OTOF: variants seen among roughly 807,000 people sequenced by gnomAD.
OTOF encodes the protein otoferlin.
Under a neutral mutation model 236.8 loss-of-function variants are expected in OTOF, and 218 were observed. The ratio of observed to expected loss-of-function variants is 0.92; its 90% CI spans 0.82 to 1.03. The LOEUF is 1.03. Ranked by LOEUF, OTOF falls within the 50% of genes least tolerant of loss-of-function variation. The pLI is 0.00. For synonymous variants in OTOF, 1,041 were observed against 1,072.5 expected, an observed-to-expected ratio of 0.97 and a Z score of 0.57; for missense variants, 2,590 against 2,694.4, an observed-to-expected ratio of 0.96 and a Z score of 0.86.
intron 1 of OTOF, among the ~76,000 whole-genome samples, chr2:26,547,878 G>A (rs754054134): frequency 2.6e-5 from 4 of 152,174 alleles, no homozygotes; most frequent in Non-Finnish European, 5.9e-5. Context: ...CAATACAGCA[G>A]TGAAATCATC....
intron 1 of OTOF, among the ~76,000 whole-genome samples, chr2:26,551,368 A>G (rs903749070): frequency 1.3e-5 from 2 of 152,328 alleles, no homozygotes; most frequent in African/African-American, 2.4e-5. Flanking sequence ...CTCCTGCTCA[A>G]TAAAAACTCC....
At chr2:26,543,358 A>G (rs1336317916) in intron 1 of OTOF, among the ~76,000 whole-genome samples, 2 of 152,146 alleles carry the variant, frequency 1.3e-5, no homozygotes, top group African/African-American at 2.4e-5. Context: ...CAGACTCACC[A>G]TCTGTTAGCC....
chr2:26,495,065 G>A lies in OTOF; in HGVS notation c.774C>T (p.Ile258=). ...CCAGCTGCCGGGCCTCGATCACCGT[G>A]ATGCTGACCTGCAGGCAGGAGAAGG... The part of the protein sequence containing the change: ...AGRPMDYQVS[I]TVIEARQLVG... Residue 258 remains isoleucine (I), a synonymous_variant, in exon 9 of 47, where the codon ATC becomes ATT. Coordinates refer to ENST00000272371, the MANE Select transcript of OTOF (RefSeq NM_194248.3). 2.5e-6 allele frequency: 4 copies of A among 1,614,174 alleles called. No individual in the cohort carries two copies. Among genetic ancestry groups the A allele is most frequent in the Non-Finnish European group, 3.4e-6 (4 of 1,180,026 alleles).
intron 5 of OTOF, among the ~76,000 whole-genome samples, chr2:26,511,297 T>G (rs1666383581): frequency 6.6e-6 from 1 of 152,098 alleles, no homozygotes; most frequent in East Asian, 1.9e-4. Flanking sequence ...ACACGGGTGG[T>G]TGGGGGCAGT....
rs201532334 is a variant in OTOF, at chr2:26,472,628, C to T, written c.3755G>A (p.Arg1252His). 63 of 1,613,018 alleles carry T rather than the reference C, an allele frequency of 3.9e-5. No individual in the cohort carries two copies. Among genetic ancestry groups the T allele is most frequent in the Non-Finnish European group, 4.9e-5 (58 of 1,179,916 alleles). The change falls in exon 30 of 47, where the codon CGT (arginine) becomes CAT (histidine). Residue 1252 changes from arginine (R) to histidine (H), a missense_variant. Arg to His is a conservative substitution (Grantham distance 29). Coordinates refer to ENST00000272371, the MANE Select transcript of OTOF (RefSeq NM_194248.3). Reference sequence around the variant, plus strand: ...GGAGGAGCCCCCATTGCACAGCACACGGCAGCGCCGGAGAAGCCTGACTGG... The same window carrying T: ...GGAGGAGCCCCCATTGCACAGCACATGGCAGCGCCGGAGAAGCCTGACTGG... ...NTTVRLLRRC[R>H]VLCNGGSSSH...
Position 26,473,857 on chromosome 2 carries a change from C to A in OTOF, c.3408+134G>T. 8.0e-7 allele frequency: 1 copy of A among 1,253,208 alleles called. No individual in the cohort carries two copies. The highest frequency in any genetic ancestry group is 1.8e-5 in the Admixed American group (1 of 56,316). 77.6% of individuals were successfully genotyped at this position (1,253,208 alleles called of 1,614,324 possible). ...GACTTGGTGCAGATGGGGGCAGGCC[C>A]TGGGCTGGGGCAGGAGCCTGGGTCT... On this transcript the variant is annotated intron_variant, in intron 27 of 46. Coordinates refer to ENST00000272371, the MANE Select transcript of OTOF (RefSeq NM_194248.3). This position sits in a 1 kb window ranked among gnomAD's most constrained non-coding sequence, Gnocchi z 7.2.
At chr2:26,468,910 G>A (rs1406386511) in intron 32 of OTOF, among the ~76,000 whole-genome samples, 1 of 152,108 alleles carries the variant, frequency 6.6e-6, no homozygotes, top group African/African-American at 2.4e-5. Context: ...GGTGGTGCTG[G>A]GGGAGAGGGG....
At position 26,470,166 on chromosome 2, in the gene OTOF, G is replaced by A. The variant is rs942124143; in HGVS notation, c.4023+427C>T. 6.6e-6 allele frequency among the ~76,000 whole-genome samples: 1 copy of A among 152,120 alleles called. No homozygotes were observed. The highest frequency in any genetic ancestry group is 6.5e-5 in the Admixed American group (1 of 15,274). ...AACATGTTTCTCCTTTTCCACAAAG[G>A]TCACCTCCTCTGAGACGCCTTCCCT... On this transcript the variant is annotated intron_variant, in intron 32 of 46. Coordinates refer to ENST00000272371, the MANE Select transcript of OTOF (RefSeq NM_194248.3). This position sits in a 1 kb window ranked among gnomAD's most constrained non-coding sequence, Gnocchi z 4.3.
At chr2:26,520,555 G>A (rs140801057) in intron 3 of OTOF, among the ~76,000 whole-genome samples, 58 of 152,242 alleles carry the variant, frequency 3.8e-4, no homozygotes, top group African/African-American at 1.1e-3. Flanking sequence ...AACTGACCAC[G>A]CCACTCCTTC....
intron 18 of OTOF, 112 bp downstream of exon 18, chr2:26,479,152 C>A: frequency 5.7e-6 from 8 of 1,391,308 alleles, no homozygotes; most frequent in Non-Finnish European, 7.9e-6. Flanking sequence ...CCTGCTGGGG[C>A]CGTTCCTGCA....
chr2:26,480,462 C>T (rs1328738895), intron 15 of OTOF, 151 bp from the exon 16 acceptor site: 5 of 699,674 alleles, frequency 7.1e-6, no homozygotes, highest in South Asian at 3.0e-5. Context: ...ACCCCAACGG[C>T]CCCCCAGCCT....
intron 11 of OTOF, among the ~76,000 whole-genome samples, chr2:26,488,942 T>C (rs930637980): frequency 1.3e-5 from 2 of 152,224 alleles, no homozygotes; most frequent in Non-Finnish European, 2.9e-5. Flanking sequence ...CCAGAGCGTG[T>C]GATGAAGCTC....
At chr2:26,505,918 A>C (rs1447150267) in intron 5 of OTOF, among the ~76,000 whole-genome samples, 1 of 152,238 alleles carries the variant, frequency 6.6e-6, no homozygotes, top group African/African-American at 2.4e-5. Flanking sequence ...ATTCAAAAAG[A>C]ACCTGAGCAC....
rs397515609 is a variant in OTOF at position 26,460,659 on chromosome 2, A to AG, written c.5800dup (p.Leu1934ProfsTer251). Reference sequence around the variant, plus strand: ...GCAGGGCACTCACTTGGGTTTCTCTAGGGGGTCAGGTTCATTGCGGGCCAG... The same window carrying AG: ...GCAGGGCACTCACTTGGGTTTCTCTAGGGGGGTCAGGTTCATTGCGGGCCAG... On this transcript the variant is annotated frameshift_variant, in exon 45 of 47. Transcript: ENST00000272371. LOFTEE classifies it high-confidence loss of function. This position sits in a 1 kb window ranked among gnomAD's most constrained non-coding sequence, Gnocchi z 5.3. 3 of 1,613,582 alleles carry AG rather than the reference A, an allele frequency of 1.9e-6. No individual in the cohort carries two copies. The highest frequency in any genetic ancestry group is 3.3e-5 in the Admixed American group (2 of 59,992).
chr2:26,473,567 C>T lies in OTOF; in HGVS notation c.3409G>A (p.Val1137Met). 1.2e-6 allele frequency: 2 copies of T among 1,602,628 alleles called. No homozygotes were observed. The highest frequency in any genetic ancestry group is 1.7e-6 in the Non-Finnish European group (2 of 1,176,518). The stretch of plus-strand genomic sequence containing the variant: ...AGGTCCCGTAGGCCCCAGAACAGCA[C>T]CTGGGAGAGGTTGGAGGGTGGGTGC... ...RPVLSKYRVE[V>M]LFWGLRDLKR... is the part of the protein sequence containing the mutation. Residue 1137 changes from valine to methionine, a missense_variant and splice_region_variant, in exon 28 of 47, where the codon GTG becomes ATG. Val to Met is a conservative substitution (Grantham distance 21). Coordinates refer to ENST00000272371, the MANE Select transcript of OTOF (RefSeq NM_194248.3). The surrounding 1 kb of genome is among the most constrained non-coding windows in gnomAD (Gnocchi z 7.2).
rs771336492 is a variant in OTOF, at chr2:26,460,691, T to G, written c.5769A>C (p.Pro1923=). ...CAGGTTCATTGCGGGCCAGGCCCAC[T>G]GGGTTCTTCTCTGCCTCCTCTGCTG... ...LLTAEEAEKN[P]VGLARNEPDP... Residue 1923 remains proline (P), a synonymous_variant, in exon 45 of 47, where the codon CCA becomes CCC. Coordinates refer to ENST00000272371, the MANE Select transcript of OTOF (RefSeq NM_194248.3). This position sits in a 1 kb window ranked among gnomAD's most constrained non-coding sequence, Gnocchi z 5.3. The G allele has an allele frequency of 1.2e-6, 2 of 1,613,852 alleles. No homozygotes were observed. The highest frequency in any genetic ancestry group is 2.2e-5 in the South Asian group (2 of 91,064).
rs774666407 is a variant in OTOF at position 26,460,091 on chromosome 2, G to C, written c.5928C>G (p.Leu1976=). Residue 1976 remains leucine, a synonymous_variant, in exon 46 of 47, where the codon CTC becomes CTG. Transcript: ENST00000272371. This position sits in a 1 kb window ranked among gnomAD's most constrained non-coding sequence, Gnocchi z 5.3. ...AGTAGAGGAACAGGGCGAGGAGGAG[G>C]AGCAGCAGCAGGAGCAGCAACAGTT... is the stretch of plus-strand genomic sequence containing the variant. The part of the protein sequence containing the change: ...LLKLLLLLLL[L]LLLALFLYSV... 2 of 1,580,372 alleles carry C rather than the reference G, an allele frequency of 1.3e-6. No individual in the cohort carries two copies. The highest frequency in any genetic ancestry group is 2.3e-5 in the East Asian group (1 of 43,722).
At position 26,460,231 on chromosome 2, in the gene OTOF, A is replaced by C; in HGVS notation, c.5814-26T>G. 2.5e-6 allele frequency: 4 copies of C among 1,578,850 alleles called. No homozygotes were observed. Among genetic ancestry groups the C allele is most frequent in the Non-Finnish European group, 3.5e-6 (4 of 1,159,318 alleles). Reference sequence around the variant, plus strand: ...CTGGAGTATGAAGGGTAGAGAGCGCAGAGGAGGGACAGGGAGGAGAAGGGA... The same window carrying C: ...CTGGAGTATGAAGGGTAGAGAGCGCCGAGGAGGGACAGGGAGGAGAAGGGA... On this transcript the variant is annotated intron_variant, in intron 45 of 46. Transcript: ENST00000272371. The surrounding 1 kb of genome is among the most constrained non-coding windows in gnomAD (Gnocchi z 5.3).
At chr2:26,475,538 G>GA (rs765080391) in intron 24 of OTOF, 45 bp from the exon 25 acceptor site, 1 of 1,603,104 alleles carries the variant, frequency 6.2e-7, no homozygotes, top group Admixed American at 1.7e-5. Context: ...ACAGAGGGGG[G>GA]GGCAGATGCA....
Sources: gnomAD v4.1 joint callset for allele counts (sites outside exome capture counted in the v4.1 genomes callset) on GRCh38, gnomAD v4.1.1 for gene constraint, Gnocchi (gnomAD v3.1) non-coding constraint, MANE v1.5 for transcripts, NCBI Gene and HGNC (gene_info 2026-07-23, HGNC 2026-07-21) for gene names.